Variants in CACNB2 observed in about 807,000 individuals in gnomAD.
CACNB2 encodes the protein voltage-dependent L-type calcium channel subunit beta-2.
In CACNB2, 42 loss-of-function variants were observed where a neutral mutation model predicts 73.3. The observed-to-expected ratio is 0.57, with a 90% CI of 0.45 to 0.74. The LOEUF is 0.74. Ranked by LOEUF, CACNB2 falls within the 30% of genes least tolerant of loss-of-function variation. The probability of loss-of-function intolerance (pLI) is 0.00; values close to 1 mark genes in which losing one functional copy is unlikely to be tolerated. For synonymous variants in CACNB2, 348 were observed against 310.3 expected, an observed-to-expected ratio of 1.12 and a Z score of -1.28; for missense variants, 940 against 853.0, an observed-to-expected ratio of 1.10 and a Z score of -1.27.
At position 18,476,871 on chromosome 10, in the gene CACNB2, C is replaced by A. The variant is rs11014426; in HGVS notation, c.334-21484C>A. On this transcript the variant is annotated intron_variant, in intron 3 of 13. Transcript: ENST00000324631. ...CTACCAAAAATATTTATTTAAAAAA[C>A]TAGCCATGTGTAGTGGCACACACTT... Among the ~76,000 whole-genome samples, 21 of 152,176 alleles carry A rather than the reference C, an allele frequency of 1.4e-4. No homozygotes were observed. The East Asian group carries it at 4.1e-3, about 30-fold the overall frequency.
At chr10:18,446,907 T>TA (rs2046762149) in intron 3 of CACNB2, among the ~76,000 whole-genome samples, 1 of 151,812 alleles carries the variant, frequency 6.6e-6, no homozygotes, top group Non-Finnish European at 1.5e-5. Flanking sequence ...TCTAAAAAAA[T>TA]AAAAAATTAG....
intron 2 of CACNB2, among the ~76,000 whole-genome samples, chr10:18,265,861 T>A (rs2037775087): frequency 6.6e-6 from 1 of 152,220 alleles, no homozygotes; most frequent in African/African-American, 2.4e-5. Context: ...GAGTTTGCTG[T>A]CTACTTGGTT....
chr10:18,231,065 A>G (rs1277746), intron 2 of CACNB2, among the ~76,000 whole-genome samples: 80,631 of 152,112 alleles, frequency 0.53, 23,982 homozygotes, highest in Non-Finnish European at 0.67. Flanking sequence ...ATGTACAGAA[A>G]GAAGTAGCCC....
chr10:18,470,380 A>G (rs1306437791), intron 3 of CACNB2, among the ~76,000 whole-genome samples: 1 of 149,144 alleles, frequency 6.7e-6, no homozygotes, highest in Non-Finnish European at 1.5e-5. Flanking sequence ...TATTATATAT[A>G]GACTATGATA....
At chr10:18,456,044 T>A (rs2047261557) in intron 3 of CACNB2, among the ~76,000 whole-genome samples, 1 of 152,190 alleles carries the variant, frequency 6.6e-6, no homozygotes, top group South Asian at 2.1e-4. Flanking sequence ...CATGCTTGCC[T>A]TTTTTTCCAT....
At chr10:18,220,846 C>G (rs2035763986) in intron 2 of CACNB2, among the ~76,000 whole-genome samples, 1 of 152,146 alleles carries the variant, frequency 6.6e-6, no homozygotes, top group East Asian at 1.9e-4. Context: ...AGTTTCATCC[C>G]AAAACCATTC....
At chr10:18,158,818 T>C (rs1389631576) in intron 2 of CACNB2, among the ~76,000 whole-genome samples, 1 of 152,116 alleles carries the variant, frequency 6.6e-6, no homozygotes, top group Non-Finnish European at 1.5e-5. Flanking sequence ...GGGTAGAACA[T>C]TTGTGCTGTT....
At chr10:18,325,536 CTTCTT>C (rs746786736) in intron 2 of CACNB2, among the ~76,000 whole-genome samples, 78 of 151,476 alleles carry the variant, frequency 5.1e-4, no homozygotes, top group Non-Finnish European at 9.3e-4. Context: ...TTCTTTCTTC[CTTCTT>C]TTCTTTTCCT....
At chr10:18,459,297 T>C (rs1036522338) in intron 3 of CACNB2, among the ~76,000 whole-genome samples, 4 of 152,314 alleles carry the variant, frequency 2.6e-5, no homozygotes, top group African/African-American at 9.6e-5. Context: ...CCAGCTATCA[T>C]TTTTCTGTTT....
intron 2 of CACNB2, among the ~76,000 whole-genome samples, chr10:18,309,498 G>C (rs191111361): frequency 5.9e-5 from 9 of 152,028 alleles, no homozygotes; most frequent in Admixed American, 5.3e-4. Flanking sequence ...TCGCTCTGTC[G>C]CCAGGCTGGA....
chr10:18,349,602 C>T (rs2076601024), intron 2 of CACNB2, among the ~76,000 whole-genome samples: 1 of 151,762 alleles, frequency 6.6e-6, no homozygotes. Flanking sequence ...ACAGAATGAC[C>T]CCACTTATAT....
chr10:18,218,393 A>G (rs1355209946), intron 2 of CACNB2, among the ~76,000 whole-genome samples: 2 of 152,224 alleles, frequency 1.3e-5, no homozygotes, highest in African/African-American at 4.8e-5. Context: ...GTAAGAGTAT[A>G]GATTGTTCAC....
At chr10:18,498,005 G>A (rs1213472370) in intron 3 of CACNB2, among the ~76,000 whole-genome samples, 4 of 152,164 alleles carry the variant, frequency 2.6e-5, no homozygotes, top group African/African-American at 7.2e-5. Flanking sequence ...CCACTGAAAC[G>A]GAAGAACTGG....
chr10:18,445,263 A>G (rs938135088), intron 3 of CACNB2, among the ~76,000 whole-genome samples: 4 of 152,222 alleles, frequency 2.6e-5, no homozygotes, highest in African/African-American at 7.2e-5. Flanking sequence ...CACCCTGAGA[A>G]CTGGTACAAA....
intron 2 of CACNB2, among the ~76,000 whole-genome samples, chr10:18,400,242 G>A (rs1167766552): frequency 1.3e-5 from 2 of 152,202 alleles, no homozygotes; most frequent in African/African-American, 4.8e-5. Flanking sequence ...TTTTTGCTAT[G>A]CAATATTGCA....
chr10:18,454,866 G>GC (rs1384471083), intron 3 of CACNB2, among the ~76,000 whole-genome samples: 1 of 151,972 alleles, frequency 6.6e-6, no homozygotes, highest in Non-Finnish European at 1.5e-5. Flanking sequence ...TAGAAAGACT[G>GC]CCCCCCGCTA....
At chr10:18,263,258 T>TAA (rs945426058) in intron 2 of CACNB2, among the ~76,000 whole-genome samples, 3 of 152,220 alleles carry the variant, frequency 2.0e-5, no homozygotes, top group African/African-American at 7.2e-5. Flanking sequence ...CATCTATCTG[T>TAA]AACGGAGACT....
intron 10 of CACNB2, among the ~76,000 whole-genome samples, chr10:18,529,022 G>A (rs1490950182): frequency 6.6e-6 from 1 of 152,104 alleles, no homozygotes; most frequent in Non-Finnish European, 1.5e-5. Flanking sequence ...TGTAGAGAGG[G>A]AGTCTCACTA....
At chr10:18,383,518 A>G (rs1487499826) in intron 2 of CACNB2, among the ~76,000 whole-genome samples, 1 of 152,174 alleles carries the variant, frequency 6.6e-6, no homozygotes, top group African/African-American at 2.4e-5. Context: ...TATCGTCTTC[A>G]TGTGCCAAGC....
Sources: allele counts gnomAD v4.1 joint callset (sites outside exome capture counted in the v4.1 genomes callset), GRCh38; gene constraint gnomAD v4.1.1; transcripts MANE v1.5; gene names NCBI Gene and HGNC (gene_info 2026-07-23, HGNC 2026-07-21).